SPON1: variants seen among roughly 807,000 people sequenced by gnomAD.
SPON1 encodes the protein spondin-1.
SPON1 carries 52 observed loss-of-function variants against 111.7 expected under a neutral mutation model. The observed-to-expected ratio is 0.47, with a 90% CI of 0.37 to 0.59. SPON1 has a LOEUF of 0.59. Among genes scored for constraint, SPON1 ranks in the 20% least tolerant of loss-of-function variants. SPON1 has a pLI of 0.00. For synonymous variants in SPON1, 410 were observed against 395.8 expected, an observed-to-expected ratio of 1.04 and a Z score of -0.43; for missense variants, 957 against 1,068.5, an observed-to-expected ratio of 0.90 and a Z score of 1.46.
At chr11:13,996,784 G>A (rs981609232) in intron 2 of SPON1, among the ~76,000 whole-genome samples, 23 of 151,674 alleles carry the variant, frequency 1.5e-4, no homozygotes, top group African/African-American at 4.9e-4. Flanking sequence ...TCTATATAGG[G>A]TTTTATATCC....
At chr11:14,090,824 G>GGCCCCCCC (rs1849046409) in intron 5 of SPON1, among the ~76,000 whole-genome samples, 1 of 45,580 alleles carries the variant, frequency 2.2e-5, no homozygotes. Context: ...CTCTTATCTG[G>GGCCCCCCC]CCCCCCCCCC....
At chr11:14,102,295 A>T (rs1336150743) in intron 5 of SPON1, among the ~76,000 whole-genome samples, 6 of 152,174 alleles carry the variant, frequency 3.9e-5, no homozygotes, top group East Asian at 1.9e-4. Flanking sequence ...TAGCCATATT[A>T]AAAAAATTAA....
intron 6 of SPON1, among the ~76,000 whole-genome samples, chr11:14,170,579 T>C (rs1848086546): frequency 1.3e-5 from 2 of 152,124 alleles, no homozygotes; most frequent in East Asian, 1.9e-4. Flanking sequence ...GTGCCAGTTT[T>C]CAAAGGGAAT....
intron 6 of SPON1, among the ~76,000 whole-genome samples, chr11:14,177,481 G>T (rs1465641909): frequency 2.0e-5 from 3 of 152,166 alleles, no homozygotes; most frequent in Admixed American, 2.0e-4. Flanking sequence ...AGATCAATGA[G>T]CCAGTTTATT....
At chr11:14,120,271 G>A (rs1849295461) in intron 5 of SPON1, among the ~76,000 whole-genome samples, 1 of 152,060 alleles carries the variant, frequency 6.6e-6, no homozygotes, top group South Asian at 2.1e-4. Context: ...TGCAAGGCAG[G>A]AAGTACTTAA....
chr11:14,007,728 G>A (rs1177572200), intron 2 of SPON1, among the ~76,000 whole-genome samples: 1 of 152,172 alleles, frequency 6.6e-6, no homozygotes, highest in Non-Finnish European at 1.5e-5. Flanking sequence ...CCGATCTCCT[G>A]CTGTGTGGCC....
At chr11:14,070,253 A>C (rs1848864841) in intron 3 of SPON1, among the ~76,000 whole-genome samples, 1 of 152,230 alleles carries the variant, frequency 6.6e-6, no homozygotes, top group Non-Finnish European at 1.5e-5. Flanking sequence ...TCATAGAGAA[A>C]TTTTATAAAG....
At chr11:14,095,854 T>C (rs376567629) in intron 5 of SPON1, among the ~76,000 whole-genome samples, 4 of 152,304 alleles carry the variant, frequency 2.6e-5, no homozygotes, top group African/African-American at 9.6e-5. Context: ...ACACATAAAA[T>C]GAACCATCAC....
intron 3 of SPON1, among the ~76,000 whole-genome samples, chr11:14,053,404 A>G (rs577185423): frequency 1.3e-5 from 2 of 152,192 alleles, no homozygotes; most frequent in East Asian, 3.9e-4. Context: ...ACAATGTGTG[A>G]CCTTTTGTGT....
intron 2 of SPON1, among the ~76,000 whole-genome samples, chr11:13,999,093 A>G (rs1848296302): frequency 6.6e-6 from 1 of 152,200 alleles, no homozygotes; most frequent in African/African-American, 2.4e-5. Context: ...TTTTTAAAAC[A>G]GGTAAAATCT....
chr11:14,066,380 A>G (rs1157701227), intron 3 of SPON1, among the ~76,000 whole-genome samples: 2 of 152,198 alleles, frequency 1.3e-5, no homozygotes, highest in Admixed American at 6.5e-5. Context: ...ATTAAGGGTC[A>G]AAAGACGCTG....
intron 3 of SPON1, among the ~76,000 whole-genome samples, chr11:14,065,126 C>A (rs1379922140): frequency 6.6e-6 from 1 of 152,168 alleles, no homozygotes; most frequent in Non-Finnish European, 1.5e-5. Context: ...GCCAGTTCTA[C>A]TACTCTACAG....
chr11:14,025,008 A>G (rs892547853), intron 2 of SPON1, among the ~76,000 whole-genome samples: 3 of 152,340 alleles, frequency 2.0e-5, no homozygotes, highest in Non-Finnish European at 4.4e-5. Context: ...GACTTGGGCA[A>G]AGCCACAGAG....
chr11:14,051,308 G>A (rs1554918561), intron 3 of SPON1, among the ~76,000 whole-genome samples: 1 of 152,306 alleles, frequency 6.6e-6, no homozygotes, highest in African/African-American at 2.4e-5. Flanking sequence ...GCCAAGGTGG[G>A]AGGATCGTTT....
intron 6 of SPON1, among the ~76,000 whole-genome samples, chr11:14,177,029 GT>G (rs1848184586): frequency 6.6e-6 from 1 of 152,012 alleles, no homozygotes; most frequent in Non-Finnish European, 1.5e-5. Flanking sequence ...GGGGAGCAGA[GT>G]TTTTTGTTGT....
intron 1 of SPON1, among the ~76,000 whole-genome samples, chr11:13,982,514 G>A (rs1848152194): frequency 6.6e-6 from 1 of 152,216 alleles, no homozygotes; most frequent in South Asian, 2.1e-4. Context: ...TAATGGAAGT[G>A]TAATGTTAGA....
At chr11:14,138,064 T>C (rs1554928336) in intron 6 of SPON1, among the ~76,000 whole-genome samples, 1 of 152,248 alleles carries the variant, frequency 6.6e-6, no homozygotes, top group African/African-American at 2.4e-5. Context: ...AGAAACTTGT[T>C]TGAAAACATC....
chr11:14,184,493 T>G (rs1276308392), intron 6 of SPON1, among the ~76,000 whole-genome samples: 1 of 152,150 alleles, frequency 6.6e-6, no homozygotes, highest in Non-Finnish European at 1.5e-5. Flanking sequence ...GGAATAAGAG[T>G]AAGGCTAAGT....
chr11:14,161,518 C>T (rs1324819096), intron 6 of SPON1, among the ~76,000 whole-genome samples: 4 of 151,160 alleles, frequency 2.6e-5, no homozygotes, highest in East Asian at 2.0e-4. Flanking sequence ...GGGCTTTCCG[C>T]GTGTTGTCCA....
Sources: gnomAD v4.1 joint callset for allele counts (sites outside exome capture counted in the v4.1 genomes callset) on GRCh38, gnomAD v4.1.1 for gene constraint, MANE v1.5 for transcripts, NCBI Gene and HGNC (gene_info 2026-07-23, HGNC 2026-07-21) for gene names.